Variants in IL1RAPL2 observed in about 807,000 individuals in gnomAD.
IL1RAPL2 encodes X-linked interleukin-1 receptor accessory protein-like 2.
In IL1RAPL2, 3 loss-of-function variants were observed where a neutral mutation model predicts 44.1. The observed-to-expected ratio is 0.07, with a 90% CI of 0.03 to 0.18. IL1RAPL2 has a LOEUF of 0.18. Ranked by LOEUF, IL1RAPL2 falls within the 10% of genes least tolerant of loss-of-function variation. The pLI is 1.00. For synonymous variants in IL1RAPL2, 181 were observed against 178.8 expected (o/e 1.01, Z -0.10); for missense variants, 391 against 496.4 (o/e 0.79, Z 2.02).
intron 2 of IL1RAPL2, among the ~76,000 whole-genome samples, chrX:104,992,020 T>C (rs1437918120): frequency 9.0e-6 from 1 of 111,216 alleles, no homozygotes; most frequent in East Asian, 2.8e-4. Flanking sequence ...AGGAAAAACA[T>C]GTACTAAGGC....
chrX:104,653,526 C>T (rs771321503), intron 1 of IL1RAPL2, among the ~76,000 whole-genome samples: 6 of 111,557 alleles, frequency 5.4e-5, no homozygotes, highest in South Asian at 3.8e-4. Context: ...CTTGTCAAAA[C>T]GTAGCCTTCT....
At chrX:105,460,538 C>T (rs1025311118) in intron 5 of IL1RAPL2, among the ~76,000 whole-genome samples, 5 of 110,574 alleles carry the variant, frequency 4.5e-5, no homozygotes, top group African/African-American at 6.6e-5. Context: ...CACATAAGCA[C>T]GTAAATAATG....
intron 2 of IL1RAPL2, among the ~76,000 whole-genome samples, chrX:104,951,648 A>G (rs761383585): frequency 1.8e-5 from 2 of 112,739 alleles, no homozygotes; most frequent in Non-Finnish European, 3.7e-5. Flanking sequence ...GTTTAAGAGC[A>G]TTGGCTTTGC....
At chrX:105,410,117 A>G (rs2035683967) in intron 5 of IL1RAPL2, among the ~76,000 whole-genome samples, 1 of 109,979 alleles carries the variant, frequency 9.1e-6, no homozygotes, top group Non-Finnish European at 1.9e-5. Flanking sequence ...AACATCAACA[A>G]CTCTATTTAG....
At chrX:105,411,610 A>G (rs1387630581) in intron 5 of IL1RAPL2, among the ~76,000 whole-genome samples, 3 of 111,711 alleles carry the variant, frequency 2.7e-5, no homozygotes, top group African/African-American at 6.5e-5. Context: ...ATTCAACAAG[A>G]TGATATAACA....
intron 1 of IL1RAPL2, among the ~76,000 whole-genome samples, chrX:104,607,150 A>G (rs1358299396): frequency 2.7e-5 from 3 of 112,307 alleles, no homozygotes; most frequent in African/African-American, 6.5e-5. Context: ...AATATTCCCT[A>G]TTTAATAAAT....
chrX:104,889,115 C>T (rs767560577), intron 2 of IL1RAPL2, among the ~76,000 whole-genome samples: 43 of 110,595 alleles, frequency 3.9e-4, no homozygotes, highest in Non-Finnish European at 7.6e-4. Context: ...ATGGCTTGTC[C>T]GCTTCTCAGG....
intron 1 of IL1RAPL2, among the ~76,000 whole-genome samples, chrX:104,582,596 T>TTTTCTTTCTTTCTTTC (rs201257788): frequency 3.5e-3 from 183 of 52,189 alleles, no homozygotes; most frequent in Non-Finnish European, 4.8e-3. Flanking sequence ...CTTTCTTTCT[T>TTTTCTTTCTTTCTTTC]TTTCTTTCTT....
At chrX:105,750,844 T>G (rs1235705873) in intron 9 of IL1RAPL2, among the ~76,000 whole-genome samples, 1 of 106,866 alleles carries the variant, frequency 9.4e-6, no homozygotes, top group African/African-American at 3.5e-5. Flanking sequence ...TGAAAAATCT[T>G]GACTTCTTAT....
intron 2 of IL1RAPL2, among the ~76,000 whole-genome samples, chrX:104,866,312 C>T (rs777042115): frequency 6.2e-4 from 69 of 111,284 alleles, no homozygotes; most frequent in African/African-American, 2.2e-3. Flanking sequence ...TATTGGAGTA[C>T]GTTGCTCATA....
chrX:105,252,941 T>A (rs1239961623), intron 4 of IL1RAPL2, among the ~76,000 whole-genome samples: 4 of 78,899 alleles, frequency 5.1e-5, no homozygotes, highest in Non-Finnish European at 7.9e-5. Flanking sequence ...TATTTGGAAC[T>A]TTTTTGTCTA....
At chrX:104,843,881 C>T (rs899840729) in intron 2 of IL1RAPL2, among the ~76,000 whole-genome samples, 17 of 110,958 alleles carry the variant, frequency 1.5e-4, no homozygotes, top group Non-Finnish European at 3.0e-4. Flanking sequence ...CATAAACATA[C>T]TTATGAGTTA....
intron 2 of IL1RAPL2, among the ~76,000 whole-genome samples, chrX:104,911,295 A>G (rs207478705): frequency 3.6e-5 from 4 of 112,207 alleles, no homozygotes; most frequent in African/African-American, 1.3e-4. Flanking sequence ...AATTTACTTT[A>G]TGAGACTAGC....
At chrX:104,836,272 T>TG (rs903085937) in intron 2 of IL1RAPL2, among the ~76,000 whole-genome samples, 3 of 109,127 alleles carry the variant, frequency 2.7e-5, no homozygotes, top group Non-Finnish European at 3.8e-5. Context: ...GGTAGGATAG[T>TG]GGGGGGCTGT....
intron 1 of IL1RAPL2, among the ~76,000 whole-genome samples, chrX:104,582,596 T>TTCTTTTTCTTTCTTTCTTTCTTTC (rs1387907561): frequency 9.6e-5 from 5 of 52,188 alleles, no homozygotes; most frequent in African/African-American, 2.7e-4. Flanking sequence ...CTTTCTTTCT[T>TTCTTTTTCTTTCTTTCTTTCTTTC]TTTCTTTCTT....
intron 5 of IL1RAPL2, among the ~76,000 whole-genome samples, chrX:105,424,932 G>A (rs1012629699): frequency 9.1e-6 from 1 of 109,366 alleles, no homozygotes; most frequent in African/African-American, 3.3e-5. Context: ...ACATCACCCG[G>A]GGGAGTCCTA....
chrX:105,544,146 CTGAG>C (rs775153352), intron 6 of IL1RAPL2, among the ~76,000 whole-genome samples: 1 of 111,054 alleles, frequency 9.0e-6, no homozygotes, highest in African/African-American at 3.3e-5. Context: ...AGATTTATAC[CTGAG>C]TATTTTATTC....
intron 2 of IL1RAPL2, among the ~76,000 whole-genome samples, chrX:104,916,001 G>C (rs1338006212): frequency 9.0e-6 from 1 of 111,674 alleles, no homozygotes; most frequent in Non-Finnish European, 1.9e-5. Flanking sequence ...GTCAGGTAGC[G>C]TGATGCCTCC....
chrX:104,797,895 T>C (rs749746831), intron 2 of IL1RAPL2, among the ~76,000 whole-genome samples: 13 of 112,274 alleles, frequency 1.2e-4, no homozygotes, highest in Non-Finnish European at 1.7e-4. Context: ...TCCACACTTA[T>C]TGCACGCTCA....
Sources: gnomAD v4.1 joint callset for allele counts (sites outside exome capture counted in the v4.1 genomes callset) on GRCh38, gnomAD v4.1.1 for gene constraint, MANE v1.5 for transcripts, NCBI Gene and HGNC (gene_info 2026-07-23, HGNC 2026-07-21) for gene names.